The following PAK1 variants were observed in gnomAD, a reference collection of about 807,000 sequenced individuals.
The protein encoded by PAK1 is p21 (RAC1) activated kinase 1.
A neutral mutation model predicts 67.4 loss-of-function variants in PAK1; 29 were observed. That is an observed-to-expected ratio of 0.43 (90% CI 0.32 to 0.59). The LOEUF is 0.59. Ranked by LOEUF, PAK1 falls within the 20% of genes least tolerant of loss-of-function variation. The pLI is 0.07. For missense variants in PAK1, 337 were observed against 670.7 expected (o/e 0.50, Z 5.50); for synonymous variants, 223 against 237.4 (o/e 0.94, Z 0.56).
chr11:77,359,593 C>T (rs1333103044), intron 5 of PAK1, among the ~76,000 whole-genome samples: 2 of 152,068 alleles, frequency 1.3e-5, no homozygotes, highest in African/African-American at 4.8e-5. Context: ...ATCATGTTAT[C>T]TAAAGAGAAC....
the PAK1 span, among the ~76,000 whole-genome samples, chr11:77,526,947 G>A: frequency 6.6e-6 from 1 of 151,198 alleles, no homozygotes; most frequent in Non-Finnish European, 1.5e-5. Flanking sequence ...AAAGATACAT[G>A]CTAAAGCCTC....
intron 14 of PAK1, among the ~76,000 whole-genome samples, chr11:77,329,897 C>T (rs1221459778): frequency 1.3e-5 from 2 of 152,150 alleles, no homozygotes; most frequent in East Asian, 1.9e-4. Flanking sequence ...ATCATCTCAG[C>T]CCAAAATCTC....
intron 1 of PAK1, among the ~76,000 whole-genome samples, chr11:77,457,677 A>C (rs1267661253): frequency 6.6e-6 from 1 of 152,172 alleles, no homozygotes; most frequent in Non-Finnish European, 1.5e-5. Context: ...GAATGTGGAC[A>C]CCCAGTCGGC....
chr11:77,334,670 T>C (rs912070899), intron 13 of PAK1, among the ~76,000 whole-genome samples: 2 of 152,190 alleles, frequency 1.3e-5, no homozygotes, highest in Admixed American at 1.3e-4. Context: ...ATCACTTCTA[T>C]GGTTGTCACT....
intron 1 of PAK1, among the ~76,000 whole-genome samples, chr11:77,394,910 G>A (rs1951651025): frequency 6.6e-6 from 1 of 151,586 alleles, no homozygotes; most frequent in Admixed American, 6.6e-5. Flanking sequence ...GATGTTTTTA[G>A]CTTGCTTTTA....
intron 11 of PAK1, among the ~76,000 whole-genome samples, chr11:77,338,138 C>T (rs1017173665): frequency 2.6e-5 from 4 of 152,042 alleles, no homozygotes; most frequent in African/African-American, 9.7e-5. Context: ...TGCTGCTACC[C>T]CATTGACTAT....
At chr11:77,467,116 A>G (rs1366731619) in intron 1 of PAK1, among the ~76,000 whole-genome samples, 1 of 151,918 alleles carries the variant, frequency 6.6e-6, no homozygotes, top group Non-Finnish European at 1.5e-5. Flanking sequence ...CTGCTCACAT[A>G]TTGCTCTCTC....
intron 1 of PAK1, among the ~76,000 whole-genome samples, chr11:77,434,216 CA>C (rs1157920029): frequency 6.6e-6 from 1 of 151,828 alleles, no homozygotes; most frequent in Non-Finnish European, 1.5e-5. Context: ...TAGTCGCAGC[CA>C]AAAAATGGAA....
intron 1 of PAK1, 52 bp from the exon 2 acceptor site, chr11:77,392,593 G>A: frequency 7.2e-7 from 1 of 1,393,788 alleles, no homozygotes; most frequent in Non-Finnish European, 9.7e-7. Context: ...TTGACCAAAA[G>A]GAAATACATG....
the PAK1 span, among the ~76,000 whole-genome samples, chr11:77,494,033 C>G: frequency 6.6e-6 from 1 of 152,124 alleles, no homozygotes; most frequent in Non-Finnish European, 1.5e-5. Context: ...GAAGTGCAAA[C>G]TGACATAAAT....
the PAK1 span, among the ~76,000 whole-genome samples, chr11:77,495,747 A>G: frequency 6.6e-6 from 1 of 152,220 alleles, no homozygotes; most frequent in African/African-American, 2.4e-5. Flanking sequence ...TACAACATGA[A>G]TGAACCTTGG....
the PAK1 span, among the ~76,000 whole-genome samples, chr11:77,487,405 G>C: frequency 1.3e-5 from 2 of 151,724 alleles, no homozygotes; most frequent in African/African-American, 2.4e-5. Flanking sequence ...GCCACAGGGA[G>C]GGACTCCTTC....
At chr11:77,488,181 T>G in the PAK1 span, among the ~76,000 whole-genome samples, 1 of 152,240 alleles carries the variant, frequency 6.6e-6, no homozygotes, top group African/African-American at 2.4e-5. Flanking sequence ...ACCAAGGCAC[T>G]ACCTCTATGA....
intron 1 of PAK1, among the ~76,000 whole-genome samples, chr11:77,436,768 A>T (rs1436796321): frequency 6.6e-6 from 1 of 152,242 alleles, no homozygotes; most frequent in Non-Finnish European, 1.5e-5. Flanking sequence ...TCCAAATTAC[A>T]TATCAGAAGA....
intron 1 of PAK1, among the ~76,000 whole-genome samples, chr11:77,424,469 C>T (rs1955448021): frequency 6.6e-6 from 1 of 152,114 alleles, no homozygotes; most frequent in African/African-American, 2.4e-5. Flanking sequence ...ACAGTAAAAA[C>T]AAATGTTCCA....
chr11:77,488,594 G>A, the PAK1 span, among the ~76,000 whole-genome samples: 1 of 152,052 alleles, frequency 6.6e-6, no homozygotes, highest in Non-Finnish European at 1.5e-5. Flanking sequence ...TTAGCAAAGA[G>A]ATTGAAATAA....
intron 4 of PAK1, among the ~76,000 whole-genome samples, chr11:77,375,172 T>C (rs1262399217): frequency 1.3e-5 from 2 of 152,212 alleles, no homozygotes; most frequent in Non-Finnish European, 2.9e-5. Flanking sequence ...AAGAGAGGAA[T>C]TAGATTTGAA....
chr11:77,434,739 C>G (rs1485686509), intron 1 of PAK1, among the ~76,000 whole-genome samples: 1 of 152,188 alleles, frequency 6.6e-6, no homozygotes, highest in Non-Finnish European at 1.5e-5. Context: ...CCACCTCAGC[C>G]TCCCGAGTAG....
chr11:77,487,263 G>A, the PAK1 span, among the ~76,000 whole-genome samples: 1 of 152,108 alleles, frequency 6.6e-6, no homozygotes, highest in Non-Finnish European at 1.5e-5. Context: ...GTCATCATCT[G>A]CTGACTATAC....
Sources: gnomAD v4.1 joint callset for allele counts (sites outside exome capture counted in the v4.1 genomes callset) on GRCh38, gnomAD v4.1.1 for gene constraint, MANE v1.5 for transcripts, NCBI Gene and HGNC (gene_info 2026-07-23, HGNC 2026-07-21) for gene names.